The following FNDC3B variants were observed in gnomAD, a reference collection of about 807,000 sequenced individuals.
FNDC3B encodes the protein fibronectin type III domain containing 3B, also known as fibronectin type III domain-containing protein 3B.
FNDC3B carries 12 observed loss-of-function variants against 151.5 expected under a neutral mutation model. The ratio of observed to expected loss-of-function variants is 0.08; its 90% CI spans 0.05 to 0.13. The LOEUF (loss-of-function observed/expected upper bound fraction) is 0.13. FNDC3B is among the 10% of genes least tolerant of loss of function. FNDC3B has a pLI of 1.00. For synonymous variants in FNDC3B, 528 were observed against 549.0 expected, an observed-to-expected ratio of 0.96 and a Z score of 0.54; for missense variants, 1,214 against 1,505.3, an observed-to-expected ratio of 0.81 and a Z score of 3.20.
chr3:172,255,826 C>T (rs989914575), intron 6 of FNDC3B, among the ~76,000 whole-genome samples: 3 of 152,228 alleles, frequency 2.0e-5, no homozygotes, highest in Non-Finnish European at 2.9e-5. Flanking sequence ...AGGGCACTTC[C>T]AGCTCTGAGT....
chr3:172,047,558 G>C (rs1302748790), intron 1 of FNDC3B, among the ~76,000 whole-genome samples: 1 of 152,170 alleles, frequency 6.6e-6, no homozygotes, highest in African/African-American at 2.4e-5. Context: ...TGCATTCACT[G>C]ATGCTGGTCT....
intron 1 of FNDC3B, among the ~76,000 whole-genome samples, chr3:172,068,600 T>G (rs935245194): frequency 6.6e-5 from 10 of 152,036 alleles, no homozygotes; most frequent in African/African-American, 2.4e-4. Context: ...ATTGTTTGTA[T>G]TTTTGGAAGA....
chr3:172,239,218 G>C (rs1430801679), intron 4 of FNDC3B, among the ~76,000 whole-genome samples: 3 of 152,282 alleles, frequency 2.0e-5, no homozygotes, highest in African/African-American at 7.2e-5. Flanking sequence ...GTGGAGAGGG[G>C]AGAGGTGAGC....
chr3:172,358,026 G>A (rs1734181296), intron 22 of FNDC3B, among the ~76,000 whole-genome samples: 1 of 152,144 alleles, frequency 6.6e-6, no homozygotes. Flanking sequence ...ATGGTCATTT[G>A]GTAGGATTTG....
chr3:172,192,588 C>G (rs1246118497), intron 3 of FNDC3B, among the ~76,000 whole-genome samples: 1 of 152,058 alleles, frequency 6.6e-6, no homozygotes, highest in African/African-American at 2.4e-5. Flanking sequence ...TTGATTATAG[C>G]AGAGGCCAGG....
At chr3:172,249,582 AAG>A (rs1015251324) in intron 5 of FNDC3B, among the ~76,000 whole-genome samples, 14 of 152,204 alleles carry the variant, frequency 9.2e-5, no homozygotes, top group African/African-American at 3.4e-4. Context: ...TCTAAACTAT[AAG>A]AGTTTTAAAA....
intron 3 of FNDC3B, among the ~76,000 whole-genome samples, chr3:172,182,737 A>G (rs963203224): frequency 2.0e-5 from 3 of 152,242 alleles, no homozygotes; most frequent in Non-Finnish European, 4.4e-5. Context: ...GTAAAAGTGC[A>G]GTGATACATG....
At chr3:172,069,320 T>A (rs1717655101) in intron 1 of FNDC3B, among the ~76,000 whole-genome samples, 1 of 152,186 alleles carries the variant, frequency 6.6e-6, no homozygotes. Context: ...TCAAATCGGA[T>A]GTTCTTAGGT....
chr3:172,131,920 G>A (rs1721124450), intron 2 of FNDC3B, among the ~76,000 whole-genome samples: 1 of 152,008 alleles, frequency 6.6e-6, no homozygotes, highest in Non-Finnish European at 1.5e-5. Context: ...AGTGAAAGTA[G>A]TTATTGAGCA....
chr3:172,319,689 C>T (rs115967741), intron 11 of FNDC3B, among the ~76,000 whole-genome samples: 4 of 152,258 alleles, frequency 2.6e-5, no homozygotes, highest in Non-Finnish European at 4.4e-5. Context: ...AGTGTCCCTC[C>T]CTCCCTGTTA....
intron 8 of FNDC3B, among the ~76,000 whole-genome samples, chr3:172,296,885 G>T (rs1037781657): frequency 6.6e-6 from 1 of 151,936 alleles, no homozygotes; most frequent in Admixed American, 6.5e-5. Flanking sequence ...ATGTGTATAC[G>T]CTCTGTGGGG....
In FNDC3B at chr3:172,330,725, A is replaced by G. The variant is rs1404993046; in HGVS notation, c.1554+10A>G. 1 of 1,607,164 alleles carries G rather than the reference A, an allele frequency of 6.2e-7. No individual in the cohort carries two copies. Among genetic ancestry groups the G allele is most frequent in the Non-Finnish European group, 8.5e-7 (1 of 1,174,296 alleles). ...TCAGGAGGATGAAAATGTGAGTTTTACAGATTTTATACTTCTCTGTGTTTT... is the reference window on the plus strand; with the variant it reads ...TCAGGAGGATGAAAATGTGAGTTTTGCAGATTTTATACTTCTCTGTGTTTT... On this transcript the variant is annotated intron_variant, in intron 13 of 25. Coordinates refer to ENST00000415807, the MANE Select transcript of FNDC3B (RefSeq NM_022763.4).
rs201761204 is a variant in FNDC3B at position 172,307,377 on chromosome 3, A to G, written c.1076A>G (p.Tyr359Cys). ...TDYHVRVYAM[Y>C]NSVKGSCSEP... ...TTTGTTTTCAGGGTGTATGCCATGT[A>G]CAATTCCGTAAAGGGATCCTGCTCC... The change falls in exon 10 of 26, where the codon TAC (tyrosine) becomes TGC (cysteine). Residue 359 changes from tyrosine to cysteine, a missense_variant. Tyr to Cys is a radical substitution (Grantham distance 194). Coordinates refer to ENST00000415807, the MANE Select transcript of FNDC3B (RefSeq NM_022763.4). 8.1e-6 allele frequency: 13 copies of G among 1,614,138 alleles called. No homozygotes were observed. The Admixed American group carries it at 2.0e-4, about 25-fold the overall frequency.
intron 6 of FNDC3B, among the ~76,000 whole-genome samples, chr3:172,261,864 T>C (rs555918762): frequency 1.2e-4 from 18 of 152,328 alleles, no homozygotes; most frequent in African/African-American, 4.3e-4. Flanking sequence ...CCTTCCCCAT[T>C]CCAGATTGTA....
At chr3:172,072,055 C>T (rs572940686) in intron 1 of FNDC3B, among the ~76,000 whole-genome samples, 1 of 150,708 alleles carries the variant, frequency 6.6e-6, no homozygotes, top group East Asian at 1.9e-4. Flanking sequence ...ATGTCGGAAA[C>T]TCATCCTTCA....
At chr3:172,241,330 T>TC (rs142608561) in intron 4 of FNDC3B, among the ~76,000 whole-genome samples, 3,130 of 152,262 alleles carry the variant, frequency 0.021, 116 homozygotes, top group African/African-American at 0.071. Flanking sequence ...AGGTTGGAAG[T>TC]CCAAGATCAA....
At chr3:172,229,388 A>C (rs1257463085) in intron 4 of FNDC3B, among the ~76,000 whole-genome samples, 1 of 152,132 alleles carries the variant, frequency 6.6e-6, no homozygotes, top group Admixed American at 6.5e-5. Context: ...TATGTGTTAA[A>C]TTTCTGTTCC....
At chr3:172,190,336 TATA>T (rs532068139) in intron 3 of FNDC3B, among the ~76,000 whole-genome samples, 57 of 152,316 alleles carry the variant, frequency 3.7e-4, no homozygotes, top group Middle Eastern at 6.8e-3. Flanking sequence ...TAGTTTGAAA[TATA>T]ATGTTTTTAA....
chr3:172,325,358 T>C (rs1732291081), intron 11 of FNDC3B, among the ~76,000 whole-genome samples: 1 of 152,270 alleles, frequency 6.6e-6, no homozygotes, highest in Non-Finnish European at 1.5e-5. Flanking sequence ...ATATAAAATA[T>C]GAAAGTTGTC....
Sources: allele counts gnomAD v4.1 joint callset (sites outside exome capture counted in the v4.1 genomes callset), GRCh38; gene constraint gnomAD v4.1.1; transcripts MANE v1.5; gene names NCBI Gene and HGNC (gene_info 2026-07-23, HGNC 2026-07-21).